Variants in RBFOX1 observed in about 807,000 individuals in gnomAD.
The protein encoded by RBFOX1 is RNA binding protein fox-1 homolog 1.
A neutral mutation model predicts 57.7 loss-of-function variants in RBFOX1; 8 were observed. That is an observed-to-expected ratio of 0.14 (90% confidence interval 0.08 to 0.25). RBFOX1 has a LOEUF of 0.25. Among genes scored for constraint, RBFOX1 ranks in the 10% least tolerant of loss-of-function variants. RBFOX1 has a pLI of 1.00. For synonymous variants in RBFOX1, 326 were observed against 222.4 expected (o/e 1.47, Z -4.15); for missense variants, 611 against 548.5 (o/e 1.11, Z -1.14).
chr16:6,997,064 T>C (rs978407101), intron 3 of RBFOX1, among the ~76,000 whole-genome samples: 1 of 152,178 alleles, frequency 6.6e-6, no homozygotes, highest in African/African-American at 2.4e-5. Flanking sequence ...TGTAGACAGA[T>C]GAAAAATAAT....
chr16:6,076,443 T>C (rs1399736773), intron 1 of RBFOX1, among the ~76,000 whole-genome samples: 1 of 152,132 alleles, frequency 6.6e-6, no homozygotes, highest in African/African-American at 2.4e-5. Flanking sequence ...ATGCAGTGTT[T>C]GCCTGAGCTT....
chr16:5,601,542 G>T (rs1305636458), downstream of RBFOX1: 1 of 152,116 alleles, frequency 6.6e-6, no homozygotes, highest in East Asian at 1.9e-4. Context: ...ACCATACAAG[G>T]GCACGAGTAC....
chr16:5,918,622 T>G (rs1245431809), intron 4 of RBFOX1, among the ~76,000 whole-genome samples: 1 of 152,136 alleles, frequency 6.6e-6, no homozygotes, highest in Non-Finnish European at 1.5e-5. Flanking sequence ...CCTCTAAAAT[T>G]TGCAGGGTAG....
chr16:6,338,955 C>G (rs2084143464), intron 2 of RBFOX1, among the ~76,000 whole-genome samples: 1 of 152,192 alleles, frequency 6.6e-6, no homozygotes, highest in African/African-American at 2.4e-5. Flanking sequence ...GGTGGCATAG[C>G]TCTAGGAGAC....
chr16:6,397,880 G>A (rs1488612069), intron 2 of RBFOX1, among the ~76,000 whole-genome samples: 2 of 152,142 alleles, frequency 1.3e-5, no homozygotes, highest in Non-Finnish European at 1.5e-5. Flanking sequence ...AAAGTGTATA[G>A]TGAGAAAGAT....
chr16:7,273,333 G>A (rs187683661), intron 4 of RBFOX1, among the ~76,000 whole-genome samples: 21 of 150,650 alleles, frequency 1.4e-4, no homozygotes, highest in East Asian at 4.0e-4. Flanking sequence ...TCTCTGCTGT[G>A]TCTTTAGGAT....
intron 3 of RBFOX1, among the ~76,000 whole-genome samples, chr16:5,772,155 G>C (rs983625431): frequency 6.6e-6 from 1 of 152,174 alleles, no homozygotes; most frequent in African/African-American, 2.4e-5. Context: ...CTGGGTGACA[G>C]AGCAAGACTC....
At position 7,709,146 on chromosome 16, in the gene RBFOX1, C is replaced by A. The variant is rs1312613134; in HGVS notation, c.1071+15C>A. On this transcript the variant is annotated intron_variant, in intron 15 of 15. Coordinates refer to ENST00000550418, the MANE Select transcript of RBFOX1 (RefSeq NM_018723.4). ...TTGGTGCCATGGTGAGTACAAGTTT[C>A]TCCTTGTCCTCACTTCCTCCTGCCT... is the stretch of plus-strand genomic sequence containing the variant. The A allele has an allele frequency of 6.3e-7, 1 of 1,595,474 alleles. No homozygotes were observed. The highest frequency in any genetic ancestry group is 1.7e-5 in the Admixed American group (1 of 59,628).
intron 3 of RBFOX1, among the ~76,000 whole-genome samples, chr16:6,992,664 C>G (rs8061880): frequency 6.6e-6 from 1 of 152,000 alleles, no homozygotes; most frequent in Non-Finnish European, 1.5e-5. Context: ...CAACTTCAAC[C>G]ATATTCTGTT....
At chr16:7,213,284 C>A (rs1349322644) in intron 4 of RBFOX1, among the ~76,000 whole-genome samples, 1 of 152,130 alleles carries the variant, frequency 6.6e-6, no homozygotes, top group Admixed American at 6.5e-5. Context: ...GCAACACATT[C>A]GCTGAGGTTG....
At chr16:7,412,419 A>AAG (rs1042584649) in intron 4 of RBFOX1, among the ~76,000 whole-genome samples, 1 of 151,750 alleles carries the variant, frequency 6.6e-6, no homozygotes, top group Non-Finnish European at 1.5e-5. Flanking sequence ...TGCCAAAAAA[A>AAG]AAAAAAAAAG....
intron 3 of RBFOX1, among the ~76,000 whole-genome samples, chr16:5,672,407 C>T (rs888631560): frequency 2.0e-5 from 3 of 152,146 alleles, no homozygotes; most frequent in Non-Finnish European, 4.4e-5. Flanking sequence ...TGCCCTCCTG[C>T]TCCAGGGCCT....
chr16:5,551,416 G>A (rs570717590), intron 2 of RBFOX1, among the ~76,000 whole-genome samples: 1 of 152,316 alleles, frequency 6.6e-6, no homozygotes, highest in African/African-American at 2.4e-5. Context: ...ATATGCACAG[G>A]GCGATTCCAA....
chr16:6,823,610 T>G (rs7188294), intron 3 of RBFOX1, among the ~76,000 whole-genome samples: 113,700 of 152,088 alleles, frequency 0.75, 42,598 homozygotes, highest in East Asian at 0.87. Flanking sequence ...CCTTGAATAT[T>G]CCACCAGTTT....
At chr16:7,599,638 C>T (rs1267524220) in intron 9 of RBFOX1, among the ~76,000 whole-genome samples, 56 of 62,770 alleles carry the variant, frequency 8.9e-4, no homozygotes, top group Admixed American at 9.8e-4. Context: ...TTAATAAAGA[C>T]TTTTTTTTTT....
At chr16:7,436,129 A>T (rs2098719799) in intron 4 of RBFOX1, among the ~76,000 whole-genome samples, 1 of 152,182 alleles carries the variant, frequency 6.6e-6, no homozygotes, top group Admixed American at 6.5e-5. Context: ...TGGAGGACAG[A>T]TTGGAAGTAC....
chr16:6,591,118 G>T (rs940911234), intron 2 of RBFOX1, among the ~76,000 whole-genome samples: 4 of 152,114 alleles, frequency 2.6e-5, no homozygotes, highest in African/African-American at 9.7e-5. Context: ...CTAAGAGTTC[G>T]CACACTGTGT....
chr16:5,252,461 G>A (rs1036461633), intron 1 of RBFOX1, among the ~76,000 whole-genome samples: 6 of 152,202 alleles, frequency 3.9e-5, no homozygotes, highest in African/African-American at 1.4e-4. Flanking sequence ...CCGTGTGGGG[G>A]TTATCAGTGT....
At chr16:5,486,088 C>T (rs1357245617) in intron 2 of RBFOX1, among the ~76,000 whole-genome samples, 1 of 152,198 alleles carries the variant, frequency 6.6e-6, no homozygotes, top group African/African-American at 2.4e-5. Context: ...CCCTGAAGCA[C>T]TTCTCTGAGA....
Sources: gnomAD v4.1 joint callset for allele counts (sites outside exome capture counted in the v4.1 genomes callset) on GRCh38, gnomAD v4.1.1 for gene constraint, MANE v1.5 for transcripts, NCBI Gene and HGNC (gene_info 2026-07-23, HGNC 2026-07-21) for gene names.